HGF: variants seen among roughly 807,000 people sequenced by gnomAD.
The protein encoded by HGF is hepatocyte growth factor.
HGF carries 39 observed loss-of-function variants against 111.6 expected under a neutral mutation model. The observed-to-expected ratio is 0.35, with a 90% CI of 0.27 to 0.46. HGF has a LOEUF of 0.46. HGF is among the 20% of genes least tolerant of loss of function. The pLI is 1.00. For missense variants in HGF, 735 were observed against 910.5 expected (o/e 0.81, Z 2.48); for synonymous variants, 285 against 294.8 (o/e 0.97, Z 0.34).
chr7:81,762,050 G>T (rs1014163148), intron 2 of HGF, among the ~76,000 whole-genome samples: 2 of 152,140 alleles, frequency 1.3e-5, no homozygotes, highest in Non-Finnish European at 2.9e-5. Flanking sequence ...CAGACTAGTG[G>T]CAGGGGTAGG....
intron 17 of HGF, 35 bp from the exon 18 acceptor site, chr7:81,702,792 A>G: frequency 6.4e-7 from 1 of 1,570,694 alleles, no homozygotes; most frequent in African/African-American, 1.4e-5. Flanking sequence ...AAGTATTATT[A>G]GGAATTAAAA....
intron 7 of HGF, among the ~76,000 whole-genome samples, chr7:81,741,776 T>C (rs1022007514): frequency 1.3e-5 from 2 of 151,482 alleles, no homozygotes; most frequent in South Asian, 2.1e-4. Context: ...CTGTCTCTAC[T>C]AAAAATACAA....
At chr7:81,721,397 A>T (rs1437969888) in intron 9 of HGF, among the ~76,000 whole-genome samples, 2 of 152,254 alleles carry the variant, frequency 1.3e-5, no homozygotes, top group Non-Finnish European at 2.9e-5. Context: ...ATAATAATTT[A>T]AAAACAAAAT....
intron 10 of HGF, among the ~76,000 whole-genome samples, chr7:81,720,314 A>G: frequency 6.6e-6 from 1 of 152,320 alleles, no homozygotes; most frequent in Non-Finnish European, 1.5e-5. Flanking sequence ...TTGATTTTTC[A>G]TAAACTATCA....
intron 10 of HGF, among the ~76,000 whole-genome samples, chr7:81,718,677 T>C (rs931748938): frequency 5.3e-5 from 8 of 152,212 alleles, no homozygotes; most frequent in Non-Finnish European, 1.5e-5. Context: ...GGTAAAAGTT[T>C]ACCAACTGGT....
At chr7:81,751,123 C>A in intron 5 of HGF, 1 of 903,898 alleles carries the variant, frequency 1.1e-6, no homozygotes, top group Non-Finnish European at 1.3e-6. Context: ...TAAATATCAA[C>A]CTAATATTAA....
At chr7:81,750,711 G>A (rs1490944223) in intron 5 of HGF, among the ~76,000 whole-genome samples, 1 of 152,038 alleles carries the variant, frequency 6.6e-6, no homozygotes, top group Admixed American at 6.6e-5. Flanking sequence ...TTAAAGTTTG[G>A]CCAAGGTACC....
In HGF at chr7:81,745,110, C is replaced by G. The variant is rs893666121; in HGVS notation, c.636G>C (p.Met212Ile). ...CTCGATAACTCTCCCCATTGCAGGT[C>G]ATGCATTCAACTAATAAAATTAAAG... ...DIPQCSEVEC[M>I]TCNGESYRGL... The change falls in exon 6 of 18, where the codon ATG becomes ATC. Residue 212 changes from methionine to isoleucine, a missense_variant. Physicochemically the swap from Met to Ile is conservative, Grantham distance 10 (BLOSUM62 1). This residue lies in a region of HGF where 553 missense variants were observed against 685.6 expected (regional missense o/e 0.81). Transcript: ENST00000222390. 1 of 1,613,852 alleles carries G rather than the reference C, an allele frequency of 6.2e-7. No homozygotes were observed. Among genetic ancestry groups the G allele is most frequent in the South Asian group, 1.1e-5 (1 of 91,064 alleles).
At chr7:81,749,505 G>A (rs1788406357) in intron 5 of HGF, among the ~76,000 whole-genome samples, 1 of 152,068 alleles carries the variant, frequency 6.6e-6, no homozygotes, top group Admixed American at 6.6e-5. Flanking sequence ...ATGTTTTGAA[G>A]CATATATACA....
At position 81,757,252 on chromosome 7, in the gene HGF, A is replaced by G; in HGVS notation, c.419T>C (p.Val140Ala). ...IGKGRSYKGT[V>A]SITKSGIKCQ... ...TTTGATGCCACTCTTAGTGATAGAT[A>G]CTGTTCCCTTGTAGCTGCGTCCTTT... Residue 140 changes from valine to alanine, a missense_variant, in exon 4 of 18, where the codon GTA becomes GCA. Physicochemically the swap from Val to Ala is moderately conservative, Grantham distance 64. Coordinates refer to ENST00000222390, the MANE Select transcript of HGF (RefSeq NM_000601.6). 6.2e-7 allele frequency: 1 copy of G among 1,610,026 alleles called. No individual in the cohort carries two copies. The highest frequency in any genetic ancestry group is 8.5e-7 in the Non-Finnish European group (1 of 1,176,212).
intron 1 of HGF, among the ~76,000 whole-genome samples, chr7:81,768,410 T>C (rs899118088): frequency 6.6e-6 from 1 of 152,086 alleles, no homozygotes; most frequent in South Asian, 2.1e-4. Flanking sequence ...GATGGAGTCT[T>C]GCTCCGTTCC....
Position 81,705,540 on chromosome 7 carries a change from A to G in HGF, c.1865-5T>C. On this transcript the variant is annotated splice_region_variant and splice_polypyrimidine_tract_variant and intron_variant, in intron 16 of 17. Transcript: ENST00000222390. ...ATAGGCCATCATAGTTGATCACTAG[A>G]TTGATGCAAAAAACATACAATAAGG... 5 of 1,612,240 alleles carry G rather than the reference A, an allele frequency of 3.1e-6. No homozygotes were observed. The highest frequency in any genetic ancestry group is 4.2e-6 in the Non-Finnish European group (5 of 1,178,698).
chr7:81,736,590 T>C, intron 7 of HGF: 1 of 393,756 alleles, frequency 2.5e-6, no homozygotes, highest in Non-Finnish European at 5.0e-6. Flanking sequence ...TGTGAGGAAA[T>C]CATAACTTAG....
intron 17 of HGF, among the ~76,000 whole-genome samples, chr7:81,702,965 G>A (rs1455356007): frequency 6.6e-6 from 1 of 151,654 alleles, no homozygotes; most frequent in Admixed American, 6.6e-5. Flanking sequence ...AAAGTTTAAA[G>A]TGTTCTATTA....
chr7:81,729,454 C>T, intron 8 of HGF, 151 bp downstream of exon 8: 2 of 695,806 alleles, frequency 2.9e-6, no homozygotes, highest in Non-Finnish European at 5.2e-6. Context: ...ATCAAAATCT[C>T]TGAGTGGAGG....
rs185674027 is a variant in HGF at position 81,731,538 on chromosome 7, C to A, written c.866-1759G>T. Among the ~76,000 whole-genome samples, 3 of 152,192 alleles carry A rather than the reference C, an allele frequency of 2.0e-5. No homozygotes were observed. The East Asian group carries it at 5.8e-4, about 29-fold the overall frequency. ...AAAAGTTGATGCTGATTATGCAAGTCTTTTATAATTTCAATACTATCCAAA... is the reference window on the plus strand; with the variant it reads ...AAAAGTTGATGCTGATTATGCAAGTATTTTATAATTTCAATACTATCCAAA... On this transcript the variant is annotated intron_variant, in intron 7 of 17. Coordinates refer to ENST00000222390, the MANE Select transcript of HGF (RefSeq NM_000601.6).
intron 1 of HGF, among the ~76,000 whole-genome samples, chr7:81,767,896 G>T (rs978372858): frequency 5.3e-5 from 8 of 151,858 alleles, no homozygotes; most frequent in Non-Finnish European, 1.0e-4. Flanking sequence ...TGTTCTAAGA[G>T]GCTACCCATA....
At chr7:81,751,318 G>A in intron 5 of HGF, 1 of 984,982 alleles carries the variant, frequency 1.0e-6, no homozygotes, top group Non-Finnish European at 1.2e-6. Context: ...TAGAGTTTCT[G>A]ACAGAACTGA....
At chr7:81,751,981 T>TTAAATAATTA in intron 5 of HGF, 139 bp downstream of exon 5, 1 of 1,458,164 alleles carries the variant, frequency 6.9e-7, no homozygotes, top group East Asian at 2.5e-5. Flanking sequence ...ATAAAAATGT[T>TTAAATAATTA]TAAATAATTA....
Sources: gnomAD v4.1 joint callset for allele counts (sites outside exome capture counted in the v4.1 genomes callset) on GRCh38, gnomAD v4.1.1 for gene constraint, gnomAD v4.1.1 regional missense constraint, MANE v1.5 for transcripts, NCBI Gene and HGNC (gene_info 2026-07-23, HGNC 2026-07-21) for gene names.